The following PSG4 variants were observed in gnomAD, a reference collection of about 807,000 sequenced individuals.
PSG4 encodes the protein pregnancy-specific beta-1-glycoprotein 4.
In PSG4, 61 loss-of-function variants were observed where a neutral mutation model predicts 44.3. The observed-to-expected ratio is 1.38, with a 90% CI of 1.12 to 1.70. The LOEUF is 1.70. PSG4 is among the 40% of genes most tolerant of loss of function. The probability of loss-of-function intolerance (pLI) is 0.00; values close to 1 mark genes in which losing one functional copy is unlikely to be tolerated. For synonymous variants in PSG4, 248 were observed against 191.3 expected (o/e 1.30, Z -2.45); for missense variants, 677 against 511.7 (o/e 1.32, Z -3.12).
chr19:43,200,512 TG>T lies in PSG4; in HGVS notation c.431-2238del, dbSNP rs1432606152. On this transcript the variant is annotated intron_variant, in intron 2 of 5. Coordinates refer to ENST00000405312, the MANE Select transcript of PSG4 (RefSeq NM_002780.5). ...AGTTTCTATTGACACATCCTCAAGC[TG>T]GGGGTTCCTTCCTCAGCTGTGTGCA... Among the ~76,000 whole-genome samples, 3 of 145,372 alleles carry T rather than the reference TG, an allele frequency of 2.1e-5. 1 individual carries two copies. Among genetic ancestry groups the T allele is most frequent in the Non-Finnish European group, 4.5e-5 (3 of 67,128 alleles).
chr19:43,205,248 C>T (rs1454713969), intron 1 of PSG4, among the ~76,000 whole-genome samples: 1 of 142,542 alleles, frequency 7.0e-6, no homozygotes, highest in Non-Finnish European at 1.5e-5. Context: ...GCTATGATTA[C>T]AGGAGCACAC....
intron 2 of PSG4, 94 bp downstream of exon 2, chr19:43,203,792 G>A (rs1047733289): frequency 6.5e-7 from 1 of 1,534,020 alleles, no homozygotes; most frequent in South Asian, 1.2e-5. Flanking sequence ...TGCAGAGAGG[G>A]ACACAGGCAG....
At chr19:43,194,309 C>G in intron 5 of PSG4, 31 bp downstream of exon 5, 1 of 1,611,858 alleles carries the variant, frequency 6.2e-7, no homozygotes, top group African/African-American at 1.3e-5. Context: ...CACCTAAATC[C>G]CTATTGCCAA....
In PSG4 at chr19:43,199,551, G is replaced by A. The variant is rs868018102; in HGVS notation, c.431-1276C>T. On this transcript the variant is annotated intron_variant, in intron 2 of 5. Transcript: ENST00000405312. Reference sequence around the variant, plus strand: ...CTGAAAAATTTAAAATCCACAATGCGCCAGTGAGCACTTCTTTTTAGCATC... The same window carrying A: ...CTGAAAAATTTAAAATCCACAATGCACCAGTGAGCACTTCTTTTTAGCATC... 5.5e-5 allele frequency among the ~76,000 whole-genome samples: 8 copies of A among 145,464 alleles called. 1 individual carries two copies. Among genetic ancestry groups the A allele is most frequent in the African/African-American group, 2.1e-4 (8 of 37,946 alleles).
rs552670688 is a variant in PSG4 at position 43,194,877 on chromosome 19, C to A, written c.988+118G>T. 22 of 1,535,992 alleles carry A rather than the reference C, an allele frequency of 1.4e-5. No individual in the cohort carries two copies. The East Asian group carries it at 5.0e-4, about 35-fold the overall frequency. ...CCAGGGCAGGGAGTCATGGCCACCT[C>A]GGATGTCCAGAAGTAAAGGTGTCTA... On this transcript the variant is annotated intron_variant, in intron 4 of 5. Coordinates refer to ENST00000405312, the MANE Select transcript of PSG4 (RefSeq NM_002780.5).
chr19:43,193,353 T>G lies in PSG4; in HGVS notation c.*19A>C. ...CGTGATTCCATGGGAGAAAATGGAATTGGAGGAACTAGTAGAATTCAGGGT... is the reference window on the plus strand; with the variant it reads ...CGTGATTCCATGGGAGAAAATGGAAGTGGAGGAACTAGTAGAATTCAGGGT... On this transcript the variant is annotated 3_prime_UTR_variant, in exon 6 of 6. Transcript: ENST00000405312. The G allele has an allele frequency of 1.3e-6, 1 of 775,290 alleles. No homozygotes were observed. The highest frequency in any genetic ancestry group is 2.4e-6 in the Non-Finnish European group (1 of 417,616). 48.0% of individuals were successfully genotyped at this position (775,290 alleles called of 1,614,324 possible).
intron 2 of PSG4, among the ~76,000 whole-genome samples, chr19:43,202,579 T>G (rs1163608880): frequency 6.9e-6 from 1 of 144,740 alleles, no homozygotes; most frequent in African/African-American, 2.7e-5. Context: ...GGGCCTGTGC[T>G]GGTGCAGGGT....
chr19:43,202,295 C>A (rs1967550515), intron 2 of PSG4, among the ~76,000 whole-genome samples: 2 of 138,718 alleles, frequency 1.4e-5, no homozygotes, highest in Non-Finnish European at 3.1e-5. Flanking sequence ...GGACCAGGTG[C>A]CCCAGTTCCA....
chr19:43,194,076 A>T, intron 5 of PSG4: 2 of 1,198,444 alleles, frequency 1.7e-6, no homozygotes, highest in East Asian at 2.6e-5. Flanking sequence ...TCATAAAAAT[A>T]TTATCCTCAA....
Position 43,200,208 on chromosome 19 carries a change from G to A in PSG4, c.431-1933C>T, listed in dbSNP as rs189021918. Among the ~76,000 whole-genome samples the A allele has an allele frequency of 1.4e-4, 20 of 144,770 alleles. 4 individuals carry two copies. Among genetic ancestry groups the A allele is most frequent in the African/African-American group, 4.0e-4 (15 of 37,606 alleles). The allele number at this position is 144,770 out of a possible 152,430, so 95.0% of individuals were successfully genotyped here. A position where few individuals can be genotyped will look rare whatever the true frequency, so the allele number is the denominator to read the frequency against. Reference sequence around the variant, plus strand: ...GCCAATGGCTCGTGTGTCTGCCCACGTGAAGAAATCCAACTTATGAAAATG... The same window carrying A: ...GCCAATGGCTCGTGTGTCTGCCCACATGAAGAAATCCAACTTATGAAAATG... On this transcript the variant is annotated intron_variant, in intron 2 of 5. Coordinates refer to ENST00000405312, the MANE Select transcript of PSG4 (RefSeq NM_002780.5).
chr19:43,205,159 G>A lies in PSG4; in HGVS notation c.64+314C>T, dbSNP rs1381743230. Among the ~76,000 whole-genome samples, 23 of 111,910 alleles carry A rather than the reference G, an allele frequency of 2.1e-4. 2 individuals carry two copies. Among genetic ancestry groups the A allele is most frequent in the South Asian group, 8.6e-4 (3 of 3,490 alleles). The allele number at this position is 111,910 out of a possible 152,430, so 73.4% of individuals were successfully genotyped here. A position where few individuals can be genotyped will look rare whatever the true frequency, so the allele number is the denominator to read the frequency against. On this transcript the variant is annotated intron_variant, in intron 1 of 5. Coordinates refer to ENST00000405312, the MANE Select transcript of PSG4 (RefSeq NM_002780.5). Reference sequence around the variant, plus strand: ...GTCTCGTCCTGTCACCCAGGCTGGTGTGCAGTAGTGCTATCTTGGCTAGCT... The same window carrying A: ...GTCTCGTCCTGTCACCCAGGCTGGTATGCAGTAGTGCTATCTTGGCTAGCT...
At chr19:43,204,774 G>A (rs11673307) in intron 1 of PSG4, 18 of 382,540 alleles carry the variant, frequency 4.7e-5, no homozygotes, top group South Asian at 2.2e-4. Context: ...TGGAACAGGC[G>A]GCAGACTCCT....
intron 3 of PSG4, among the ~76,000 whole-genome samples, chr19:43,195,819 C>T (rs931869587): frequency 6.7e-6 from 1 of 149,900 alleles, no homozygotes. Flanking sequence ...CAGAGTCAAG[C>T]CTGGAGGTCA....
At chr19:43,204,609 CT>C in intron 1 of PSG4, 1 of 256,320 alleles carries the variant, frequency 3.9e-6, no homozygotes, top group Non-Finnish European at 7.0e-6. Context: ...TGGGTCTTCC[CT>C]TTCTGACCTT....
chr19:43,194,890 G>A (rs1313711170), intron 4 of PSG4, 105 bp downstream of exon 4: 2 of 1,551,668 alleles, frequency 1.3e-6, no homozygotes, highest in South Asian at 1.3e-5. Context: ...ATGTCCAGAA[G>A]TAAAGGTGTC....
At chr19:43,193,821 T>C in intron 5 of PSG4, 1 of 564,700 alleles carries the variant, frequency 1.8e-6, no homozygotes, top group Non-Finnish European at 3.2e-6. Flanking sequence ...TGTGTCCTGT[T>C]ACAAAGAGAG....
At chr19:43,203,830 T>G in intron 2 of PSG4, 56 bp downstream of exon 2, 1 of 1,563,184 alleles carries the variant, frequency 6.4e-7, no homozygotes, top group Admixed American at 1.8e-5. Flanking sequence ...CCTGTGTGTG[T>G]GAAGTAGAAG....
intron 3 of PSG4, 127 bp downstream of exon 3, chr19:43,197,870 T>C: frequency 6.4e-7 from 1 of 1,560,762 alleles, no homozygotes; most frequent in Non-Finnish European, 8.6e-7. Context: ...CAGAAAGTCA[T>C]GGCCAGCTTT....
chr19:43,198,994 C>G (rs1451803892), intron 2 of PSG4: 1 of 146,300 alleles, frequency 6.8e-6, no homozygotes, highest in Non-Finnish European at 1.5e-5. Flanking sequence ...AGACCATGTT[C>G]CGTGTTCTGG....
Sources: allele counts gnomAD v4.1 joint callset (sites outside exome capture counted in the v4.1 genomes callset), GRCh38; gene constraint gnomAD v4.1.1; transcripts MANE v1.5; gene names NCBI Gene and HGNC (gene_info 2026-07-23, HGNC 2026-07-21).